The following DIS3L2 variants were observed in gnomAD, a reference collection of about 807,000 sequenced individuals.
DIS3L2 encodes the protein DIS3-like exonuclease 2.
DIS3L2 carries 34 observed loss-of-function variants against 97.5 expected under a neutral mutation model. The ratio of observed to expected loss-of-function variants is 0.35; its 90% CI spans 0.27 to 0.46. The LOEUF (loss-of-function observed/expected upper bound fraction) is 0.46, where lower values mean the gene tolerates loss of function less well. DIS3L2 is among the 20% of genes least tolerant of loss of function. The pLI is 1.00. For synonymous variants in DIS3L2, 435 were observed against 445.2 expected (o/e 0.98, Z 0.29); for missense variants, 1,038 against 1,146.0 (o/e 0.91, Z 1.36).
intron 1 of DIS3L2, among the ~76,000 whole-genome samples, chr2:232,002,366 A>G (rs954365552): frequency 6.6e-6 from 1 of 152,080 alleles, no homozygotes; most frequent in Non-Finnish European, 1.5e-5. Context: ...TTGTGATTCT[A>G]TATGAATTTT....
At chr2:232,116,738 C>T (rs754117022) in intron 6 of DIS3L2, among the ~76,000 whole-genome samples, 5 of 152,104 alleles carry the variant, frequency 3.3e-5, no homozygotes, top group Non-Finnish European at 5.9e-5. Context: ...TATAGAATGT[C>T]CGCCATTAAG....
chr2:232,026,746 C>T (rs1486878488), intron 4 of DIS3L2, among the ~76,000 whole-genome samples: 1 of 152,074 alleles, frequency 6.6e-6, no homozygotes, highest in Admixed American at 6.5e-5. Context: ...TGATGTATCT[C>T]CATGGTGTAA....
chr2:232,290,760 T>C (rs2106312125), intron 13 of DIS3L2, among the ~76,000 whole-genome samples: 1 of 152,076 alleles, frequency 6.6e-6, no homozygotes, highest in East Asian at 1.9e-4. Context: ...AGCTGTGGGG[T>C]TTACAGACGG....
chr2:232,343,474 GA>G lies in DIS3L2; in HGVS notation c.1712del (p.Asp571AlafsTer22). ...TCGGGGCATATGTGACAGGGATCCA[GA>G]CACACGACTGTTTTTCCTTCAGCAA... On this transcript the variant is annotated frameshift_variant, in exon 14 of 14. Coordinates refer to the DIS3L2 transcript ENST00000273009. LOFTEE classifies it high-confidence loss of function. The G allele has an allele frequency of 6.4e-7, 1 of 1,555,842 alleles. No individual in the cohort carries two copies. Among genetic ancestry groups the G allele is most frequent in the Non-Finnish European group, 8.7e-7 (1 of 1,149,596 alleles).
At chr2:231,985,021 A>G (rs1693371260) in intron 1 of DIS3L2, among the ~76,000 whole-genome samples, 1 of 152,242 alleles carries the variant, frequency 6.6e-6, no homozygotes, top group Non-Finnish European at 1.5e-5. Flanking sequence ...TTTCTTGTGT[A>G]ACTAAGGTAC....
chr2:232,024,160 A>G (rs1324211122), intron 3 of DIS3L2, 117 bp from the exon 4 acceptor site: 4 of 664,256 alleles, frequency 6.0e-6, no homozygotes, highest in Middle Eastern at 3.4e-4. Context: ...TTATACATCT[A>G]ACTTGTTTTC....
intron 3 of DIS3L2, chr2:232,023,225 T>C (rs1024399780): frequency 6.6e-6 from 1 of 152,228 alleles, no homozygotes; most frequent in Non-Finnish European, 1.5e-5. Flanking sequence ...GTCTTGAATA[T>C]AGTCCATACT....
intron 8 of DIS3L2, among the ~76,000 whole-genome samples, chr2:232,143,970 T>TTA (rs1229698352): frequency 6.6e-6 from 1 of 152,152 alleles, no homozygotes; most frequent in Admixed American, 6.6e-5. Context: ...AAATACCGTG[T>TTA]TATATATATT....
intron 6 of DIS3L2, among the ~76,000 whole-genome samples, chr2:232,119,490 G>A (rs16828632): frequency 0.064 from 9,784 of 152,220 alleles, 1,010 homozygotes; most frequent in East Asian, 0.47. Context: ...TGCAGAATTA[G>A]TCAGTTAAAG....
At chr2:232,133,010 C>T (rs1698262075) in intron 7 of DIS3L2, among the ~76,000 whole-genome samples, 1 of 152,180 alleles carries the variant, frequency 6.6e-6, no homozygotes, top group Non-Finnish European at 1.5e-5. Flanking sequence ...AGACACCAAG[C>T]AGCTGGGTGG....
At chr2:232,265,935 G>T (rs1693846476) in intron 13 of DIS3L2, among the ~76,000 whole-genome samples, 1 of 152,182 alleles carries the variant, frequency 6.6e-6, no homozygotes, top group African/African-American at 2.4e-5. Flanking sequence ...ATTAGTGAAT[G>T]AATATACATC....
At chr2:231,992,564 A>G (rs1342209764) in intron 1 of DIS3L2, among the ~76,000 whole-genome samples, 10 of 151,234 alleles carry the variant, frequency 6.6e-5, no homozygotes, top group Non-Finnish European at 1.2e-4. Flanking sequence ...CAGCTCACGA[A>G]CTCCACATCC....
At chr2:231,998,379 A>G (rs1693787133) in intron 1 of DIS3L2, among the ~76,000 whole-genome samples, 1 of 152,200 alleles carries the variant, frequency 6.6e-6, no homozygotes, top group Admixed American at 6.5e-5. Context: ...TTCATGGCCA[A>G]ATTCCTTCTT....
intron 9 of DIS3L2, among the ~76,000 whole-genome samples, chr2:232,186,211 A>G (rs1239880137): frequency 3.9e-5 from 6 of 152,252 alleles, no homozygotes; most frequent in Admixed American, 2.6e-4. Context: ...CACACATCAC[A>G]TTAGAAGTGA....
chr2:232,156,558 G>A (rs1226755521), intron 8 of DIS3L2, among the ~76,000 whole-genome samples: 2 of 151,556 alleles, frequency 1.3e-5, no homozygotes, highest in Non-Finnish European at 2.9e-5. Flanking sequence ...TCTTTAAATA[G>A]TGAGTTCTTC....
At chr2:232,092,046 T>G (rs1403988657) in intron 6 of DIS3L2, among the ~76,000 whole-genome samples, 1 of 152,236 alleles carries the variant, frequency 6.6e-6, no homozygotes, top group Non-Finnish European at 1.5e-5. Context: ...ATTTAAGTCT[T>G]TAATCCATTT....
At position 231,971,386 on chromosome 2, in the gene DIS3L2, C is replaced by T. The variant is rs111621925; in HGVS notation, c.-94+9621C>T. 6.5e-3 allele frequency among the ~76,000 whole-genome samples: 987 copies of T among 152,062 alleles called. 12 individuals are homozygous for T. The highest frequency in any genetic ancestry group is 0.023 in the African/African-American group (940 of 41,462). ...CTCTGCCTCCCGGGTTCAAGTGATT[C>T]TCCTGCTTTAGCCTCCCGAGTAGCT... is the stretch of plus-strand genomic sequence containing the variant. On this transcript the variant is annotated intron_variant, in intron 1 of 20. Transcript: ENST00000325385.
chr2:232,289,635 T>G (rs1216272959), intron 13 of DIS3L2, among the ~76,000 whole-genome samples: 3 of 152,192 alleles, frequency 2.0e-5, no homozygotes, highest in Non-Finnish European at 2.9e-5. Flanking sequence ...AGGAACATAC[T>G]AACCCACCCT....
At chr2:232,089,996 C>T (rs946587253) in intron 6 of DIS3L2, among the ~76,000 whole-genome samples, 1 of 152,184 alleles carries the variant, frequency 6.6e-6, no homozygotes, top group Non-Finnish European at 1.5e-5. Flanking sequence ...ATGGTGTCAT[C>T]ATAGCTCACT....
Sources: gnomAD v4.1 joint callset for allele counts (sites outside exome capture counted in the v4.1 genomes callset) on GRCh38, gnomAD v4.1.1 for gene constraint, MANE v1.5 for transcripts, NCBI Gene and HGNC (gene_info 2026-07-23, HGNC 2026-07-21) for gene names.